The following DTNA variants were observed in gnomAD, a reference collection of about 807,000 sequenced individuals.
The protein encoded by DTNA is dystrophin-related protein 3.
Under a neutral mutation model 100.7 loss-of-function variants are expected in DTNA, and 43 were observed. The observed-to-expected ratio is 0.43, with a 90% CI of 0.33 to 0.55. The LOEUF is 0.55. Among genes scored for constraint, DTNA ranks in the 20% least tolerant of loss-of-function variants. DTNA has a pLI of 0.04. For missense variants in DTNA, 798 were observed against 953.9 expected, an observed-to-expected ratio of 0.84 and a Z score of 2.15; for synonymous variants, 349 against 347.9, an observed-to-expected ratio of 1.00 and a Z score of -0.04.
intron 1 of DTNA, among the ~76,000 whole-genome samples, chr18:34,727,037 C>A (rs1415602545): frequency 6.6e-6 from 1 of 152,228 alleles, no homozygotes; most frequent in Non-Finnish European, 1.5e-5. Flanking sequence ...GCAGGCTCAA[C>A]ACAACGTAGA....
intron 1 of DTNA, among the ~76,000 whole-genome samples, chr18:34,671,759 ATTCC>A (rs2076788144): frequency 6.6e-6 from 1 of 150,982 alleles, no homozygotes; most frequent in African/African-American, 2.4e-5. Context: ...TTATTTCTTC[ATTCC>A]TTCCTTCTTT....
intron 1 of DTNA, among the ~76,000 whole-genome samples, chr18:34,665,850 C>A: frequency 6.6e-6 from 1 of 152,098 alleles, no homozygotes; most frequent in Non-Finnish European, 1.5e-5. Flanking sequence ...GGTTCCAAGT[C>A]TTTGCTATTG....
chr18:34,639,354 A>C (rs900835052), intron 1 of DTNA, among the ~76,000 whole-genome samples: 1 of 152,228 alleles, frequency 6.6e-6, no homozygotes, highest in Non-Finnish European at 1.5e-5. Context: ...GACATTGCCA[A>C]GTGTCCTCTG....
At chr18:34,607,831 A>G (rs962290469) in intron 1 of DTNA, among the ~76,000 whole-genome samples, 9 of 152,228 alleles carry the variant, frequency 5.9e-5, no homozygotes, top group African/African-American at 2.2e-4. Flanking sequence ...CAGGGTCAAT[A>G]GATCAGAAGA....
At chr18:34,786,684 A>G (rs1429803065) in intron 3 of DTNA, among the ~76,000 whole-genome samples, 4 of 151,184 alleles carry the variant, frequency 2.6e-5, no homozygotes, top group Non-Finnish European at 5.9e-5. Flanking sequence ...TGTATTCCCA[A>G]TAGCAGATCA....
rs375772299 is a variant in DTNA, at chr18:34,515,121, A to G, written c.-2+21607A>G. Among the ~76,000 whole-genome samples, 28 of 152,050 alleles carry G rather than the reference A, an allele frequency of 1.8e-4. No homozygotes were observed. In the East Asian group the frequency reaches 3.3e-3, roughly 18 times the overall value. On this transcript the variant is annotated intron_variant, in intron 1 of 19. Transcript: ENST00000283365. Reference sequence around the variant, plus strand: ...AGAATATTGCAAAACAGCTGGCTCAACTCATTCCACCTGACTTTCTCTACC... The same window carrying G: ...AGAATATTGCAAAACAGCTGGCTCAGCTCATTCCACCTGACTTTCTCTACC...
chr18:34,801,731 G>C lies in DTNA; in HGVS notation c.363-4488G>C, dbSNP rs566469935. Among the ~76,000 whole-genome samples the C allele has an allele frequency of 5.9e-5, 9 of 151,968 alleles. No individual in the cohort carries two copies. The East Asian group carries it at 1.7e-3, about 30-fold the overall frequency. ...TCACCATGTTGGCCAGGATGGTCTT[G>C]ATCACCTGGCCTCTTGTTCTGCCCA... On this transcript the variant is annotated intron_variant, in intron 4 of 22. Coordinates refer to ENST00000444659, the MANE Select transcript of DTNA (RefSeq NM_001386795.1).
At chr18:34,751,325 A>C (rs2092299051) in intron 1 of DTNA, among the ~76,000 whole-genome samples, 1 of 152,254 alleles carries the variant, frequency 6.6e-6, no homozygotes, top group South Asian at 2.1e-4. Context: ...CTCTTCCGTT[A>C]GTCGTGTGTT....
chr18:34,770,771 G>A (rs1432605099), intron 3 of DTNA, among the ~76,000 whole-genome samples: 2 of 142,246 alleles, frequency 1.4e-5, no homozygotes, highest in Admixed American at 1.6e-4. Context: ...ATACTCCCAA[G>A]AAGAATTATA....
chr18:34,528,338 C>T (rs1320360864), intron 1 of DTNA, among the ~76,000 whole-genome samples: 1 of 152,054 alleles, frequency 6.6e-6, no homozygotes, highest in Non-Finnish European at 1.5e-5. Flanking sequence ...GTCACCTCAG[C>T]TGGTAGTGCC....
At position 34,820,816 on chromosome 18, in the gene DTNA, A is replaced by C. The variant is rs2095696134; in HGVS notation, c.902A>C (p.Asn301Thr). The C allele has an allele frequency of 6.2e-7, 1 of 1,614,126 alleles. No homozygotes were observed. The highest frequency in any genetic ancestry group is 2.2e-5 in the East Asian group (1 of 44,886). Reference sequence around the variant, plus strand: ...AAATCACCTGCTAAGAAGCTGACTAATGCATTAAGCAAGTCCCTGAGCTGT... The same window carrying C: ...AAATCACCTGCTAAGAAGCTGACTACTGCATTAAGCAAGTCCCTGAGCTGT... ...SWKSPAKKLTNALSKSLSCAS... is the reference protein window; with the variant it reads ...SWKSPAKKLTTALSKSLSCAS... Residue 301 changes from asparagine to threonine, a missense_variant, in exon 9 of 23, where the codon AAT becomes ACT. Coordinates refer to ENST00000444659, the MANE Select transcript of DTNA (RefSeq NM_001386795.1).
intron 3 of DTNA, among the ~76,000 whole-genome samples, chr18:34,779,177 G>A (rs930101886): frequency 2.0e-5 from 3 of 152,156 alleles, no homozygotes; most frequent in Non-Finnish European, 4.4e-5. Flanking sequence ...ATTTCAGATA[G>A]GAGCAAGTAA....
intron 1 of DTNA, among the ~76,000 whole-genome samples, chr18:34,679,804 A>G (rs188871411): frequency 1.3e-5 from 2 of 152,246 alleles, no homozygotes; most frequent in Admixed American, 1.3e-4. Context: ...TTGTTTATTT[A>G]TTGTTATTAT....
intron 1 of DTNA, among the ~76,000 whole-genome samples, chr18:34,704,987 C>T (rs1600508401): frequency 1.3e-5 from 2 of 152,080 alleles, no homozygotes; most frequent in South Asian, 2.1e-4. Context: ...TCACAGAGAG[C>T]GACCAGACAG....
Position 34,711,970 on chromosome 18 carries a change from C to G in DTNA, c.-2+1525C>G, listed in dbSNP as rs562778314. Among the ~76,000 whole-genome samples, 9 of 152,050 alleles carry G rather than the reference C, an allele frequency of 5.9e-5. No homozygotes were observed. The South Asian group carries it at 1.0e-3, about 18-fold the overall frequency. On this transcript the variant is annotated intron_variant, in intron 1 of 22. Transcript: ENST00000444659. ...ACAAATGAGCTATGACCATGTCTTT[C>G]AAAACATGAGATATTTTCATAAACA...
Position 34,775,394 on chromosome 18 carries a change from G to A in DTNA, c.148+9353G>A, listed in dbSNP as rs527713060. ...CCAGCTACTCAGGAGGCTGAGGCAG[G>A]AGAATGGCGTGAACCTGGGATGCGG... is the stretch of plus-strand genomic sequence containing the variant. On this transcript the variant is annotated intron_variant, in intron 3 of 22. Transcript: ENST00000444659. Among the ~76,000 whole-genome samples, 25 of 152,280 alleles carry A rather than the reference G, an allele frequency of 1.6e-4. No individual in the cohort carries two copies. In the South Asian group the frequency reaches 5.0e-3, roughly 30 times the overall value.
At chr18:34,724,963 T>C (rs966269500) in intron 1 of DTNA, among the ~76,000 whole-genome samples, 1 of 152,162 alleles carries the variant, frequency 6.6e-6, no homozygotes, top group African/African-American at 2.4e-5. Context: ...CCATCGGATA[T>C]TTGATAAACA....
At chr18:34,549,224 T>A (rs1292103145) in intron 1 of DTNA, among the ~76,000 whole-genome samples, 1 of 152,140 alleles carries the variant, frequency 6.6e-6, no homozygotes, top group Non-Finnish European at 1.5e-5. Context: ...CTGTCCACAC[T>A]AGAGCCATCA....
intron 11 of DTNA, among the ~76,000 whole-genome samples, chr18:34,834,936 C>G (rs979755046): frequency 9.2e-5 from 14 of 152,206 alleles, no homozygotes; most frequent in Non-Finnish European, 1.6e-4. Flanking sequence ...TCTCTTCAAG[C>G]TTGGAAGCTG....
Sources: allele counts gnomAD v4.1 joint callset (sites outside exome capture counted in the v4.1 genomes callset), GRCh38; gene constraint gnomAD v4.1.1; transcripts MANE v1.5; gene names NCBI Gene and HGNC (gene_info 2026-07-23, HGNC 2026-07-21).